Variants in COPB2 observed in about 807,000 individuals in gnomAD.
COPB2 encodes the protein coat protein complex I subunit beta 2.
A neutral mutation model predicts 120.8 loss-of-function variants in COPB2; 16 were observed. That is an observed-to-expected ratio of 0.13 (90% CI 0.09 to 0.20). The LOEUF (loss-of-function observed/expected upper bound fraction) is 0.20, where lower values mean the gene tolerates loss of function less well. Ranked by LOEUF, COPB2 falls within the 10% of genes least tolerant of loss-of-function variation. COPB2 has a pLI of 1.00. For missense variants in COPB2, 794 were observed against 1,076.5 expected (o/e 0.74, Z 3.67); for synonymous variants, 332 against 366.3 (o/e 0.91, Z 1.07).
At position 139,378,269 on chromosome 3, in the gene COPB2, AAACC is replaced by A; in HGVS notation, c.356-84_356-81del. The A allele has an allele frequency of 5.3e-6, 7 of 1,327,424 alleles. No homozygotes were observed. The Admixed American group carries it at 1.4e-4, about 27-fold the overall frequency. The allele number at this position is 1,327,424 out of a possible 1,614,324, so 82.2% of individuals were successfully genotyped here. A position where few individuals can be genotyped will look rare whatever the true frequency, so the allele number is the denominator to read the frequency against. ...CTAAGACACAGTCTTTAGAAGAAGC[AAACC>A]TAACACAAACCATATAATCCATGAC... On this transcript the variant is annotated intron_variant, in intron 4 of 21. Coordinates refer to ENST00000333188, the MANE Select transcript of COPB2 (RefSeq NM_004766.3).
At chr3:139,358,359 T>C in intron 20 of COPB2, 88 bp from the exon 21 acceptor site, 1 of 1,173,710 alleles carries the variant, frequency 8.5e-7, no homozygotes, top group Non-Finnish European at 1.3e-6. Flanking sequence ...TGATCAGAAT[T>C]AGGAAGTGGG....
At chr3:139,373,852 G>T (rs183951743) in intron 7 of COPB2, 44 bp from the exon 8 acceptor site, 82 of 1,607,834 alleles carry the variant, frequency 5.1e-5, no homozygotes, top group South Asian at 1.1e-5. Flanking sequence ...ACAAACATCC[G>T]ACAATAAACT....
chr3:139,379,784 T>C (rs1941775365), intron 2 of COPB2: 1 of 264,724 alleles, frequency 3.8e-6, no homozygotes, highest in Non-Finnish European at 7.2e-6. Context: ...CTGCTCTTGT[T>C]GTCTCTGACT....
At chr3:139,358,862 T>G in intron 19 of COPB2, 50 bp from the exon 20 acceptor site, 1 of 1,571,438 alleles carries the variant, frequency 6.4e-7, no homozygotes, top group Non-Finnish European at 8.8e-7. Context: ...AAATCATAAT[T>G]TACCTATGAA....
At chr3:139,372,210 T>C (rs1941635737) in intron 9 of COPB2, among the ~76,000 whole-genome samples, 2 of 152,226 alleles carry the variant, frequency 1.3e-5, no homozygotes, top group Non-Finnish European at 2.9e-5. Context: ...ATGACATTTA[T>C]ACCACAGGAA....
At position 139,383,302 on chromosome 3, in the gene COPB2, G is replaced by A; in HGVS notation, c.137C>T (p.Thr46Ile). Reference protein sequence around the residue: ...NGSVCVWNHETQTLVKTFEVC... With the variant: ...NGSVCVWNHEIQTLVKTFEVC... ...ACAGTCCTGAAAAATTCCTACCTGT[G>A]TTTCATGATTCCAAACACACACACT... The change falls in exon 2 of 22, where the codon ACA becomes ATA. Residue 46 changes from threonine (T) to isoleucine (I), a missense_variant. Thr to Ile is a moderately conservative substitution (Grantham distance 89). Coordinates refer to ENST00000333188, the MANE Select transcript of COPB2 (RefSeq NM_004766.3). 1 of 1,613,852 alleles carries A rather than the reference G, an allele frequency of 6.2e-7. No homozygotes were observed. Among genetic ancestry groups the A allele is most frequent in the Non-Finnish European group, 8.5e-7 (1 of 1,179,892 alleles).
intron 4 of COPB2, 61 bp downstream of exon 4, chr3:139,378,986 T>C (rs992136558): frequency 2.0e-6 from 3 of 1,486,272 alleles, no homozygotes; most frequent in Admixed American, 4.8e-5. Context: ...ATAGCATGTC[T>C]CAGTGAATGA....
rs774336381 is a variant in COPB2 at position 139,358,987 on chromosome 3, T to C, written c.2484+11A>G. 1.9e-6 allele frequency: 3 copies of C among 1,609,374 alleles called. No homozygotes were observed. Among genetic ancestry groups the C allele is most frequent in the Non-Finnish European group, 2.5e-6 (3 of 1,178,282 alleles). On this transcript the variant is annotated intron_variant, in intron 19 of 21. Transcript: ENST00000333188. ...TTACAATAAATGAAGCTTGACATCC[T>C]GGCCACTCACCGTGACAAGTGGGTA...
rs1331808890 is a variant in COPB2 at position 139,369,340 on chromosome 3, A to G, written c.1322T>C (p.Val441Ala). 6.2e-7 allele frequency: 1 copy of G among 1,613,566 alleles called. No homozygotes were observed. Among genetic ancestry groups the G allele is most frequent in the Non-Finnish European group, 8.5e-7 (1 of 1,179,740 alleles). ...ESIYGGFLLGVRSVNGLAFYD... is the reference protein window; with the variant it reads ...ESIYGGFLLGARSVNGLAFYD... ...GAAGGCTAAGCCATTTACAGATCTG[A>G]CTCCCAATAAGAAGCCGCCGTAGAT... Residue 441 changes from valine (V) to alanine (A), a missense_variant, in exon 12 of 22, where the codon GTC (valine) becomes GCC (alanine). This residue lies in a region of COPB2 where 610 missense variants were observed against 866.7 expected (regional missense o/e 0.70). Transcript: ENST00000333188.
chr3:139,375,219 T>C (rs1325700041), intron 6 of COPB2, among the ~76,000 whole-genome samples: 3 of 152,234 alleles, frequency 2.0e-5, no homozygotes, highest in Non-Finnish European at 4.4e-5. Context: ...AATTCAACAT[T>C]AAAATGTTAA....
rs1941411746 is a variant in COPB2, at chr3:139,361,145, C to T, written c.2146G>A (p.Ala716Thr). ...TTGCCATCTCTCTCCGCACCCTCTG[C>T]TAGCTTGTTCACCATATTAGCATTT... ...SGNANMVNKL[A>T]EGAERDGKNN... The change falls in exon 17 of 22, where the codon GCA becomes ACA. Residue 716 changes from alanine (A) to threonine (T), a missense_variant. Ala to Thr is a moderately conservative substitution (Grantham distance 58). Coordinates refer to ENST00000333188, the MANE Select transcript of COPB2 (RefSeq NM_004766.3). The T allele has an allele frequency of 1.2e-6, 2 of 1,614,250 alleles. No individual in the cohort carries two copies.
Position 139,371,632 on chromosome 3 carries a change from TCA to T in COPB2, c.1205+89_1205+90del, listed in dbSNP as rs1049794658. On this transcript the variant is annotated intron_variant, in intron 10 of 21. Transcript: ENST00000333188. ...GAGAACTGTTTTTTAACACGGAGAA[TCA>T]CAGCCCACATCAAGCCTTGAGAGTC... 3 of 1,072,808 alleles carry T rather than the reference TCA, an allele frequency of 2.8e-6. No homozygotes were observed. In the African/African-American group the frequency reaches 4.7e-5, roughly 17 times the overall value. The allele number at this position is 1,072,808 out of a possible 1,614,324, so 66.5% of individuals were successfully genotyped here.
At chr3:139,358,103 CTGA>C in intron 21 of COPB2, 94 bp downstream of exon 21, 1 of 1,171,210 alleles carries the variant, frequency 8.5e-7, no homozygotes, top group Non-Finnish European at 1.3e-6. Flanking sequence ...TGCTCTGAAA[CTGA>C]TGTCACTTAA....
rs369584653 is a variant in COPB2 at position 139,378,028 on chromosome 3, G to A, written c.504+13C>T. 6.6e-7 allele frequency: 1 copy of A among 1,511,250 alleles called. No individual in the cohort carries two copies. The highest frequency in any genetic ancestry group is 1.3e-5 in the South Asian group (1 of 75,212). The allele number at this position is 1,511,250 out of a possible 1,614,324, so 93.6% of individuals were successfully genotyped here. Reference sequence around the variant, plus strand: ...CTAATAATGATAACTGACACAAAATGTGGATGCCCTACCTTGATAGTCCTG... The same window carrying A: ...CTAATAATGATAACTGACACAAAATATGGATGCCCTACCTTGATAGTCCTG... On this transcript the variant is annotated intron_variant, in intron 5 of 21. Transcript: ENST00000333188.
chr3:139,363,368 T>C (rs553071113), intron 15 of COPB2, among the ~76,000 whole-genome samples: 34 of 152,258 alleles, frequency 2.2e-4, no homozygotes, highest in African/African-American at 7.7e-4. Flanking sequence ...TGAACCCTAT[T>C]GTGAACTGTA....
intron 12 of COPB2, among the ~76,000 whole-genome samples, 157 bp from the exon 13 acceptor site, chr3:139,368,445 C>G (rs1308381339): frequency 6.6e-6 from 1 of 152,114 alleles, no homozygotes; most frequent in Non-Finnish European, 1.5e-5. Flanking sequence ...GGGTGGCCAG[C>G]TATTATGTGG....
intron 10 of COPB2, among the ~76,000 whole-genome samples, chr3:139,370,653 A>G (rs1028235414): frequency 6.6e-5 from 10 of 152,242 alleles, no homozygotes; most frequent in Admixed American, 3.3e-4. Context: ...CCTTGAAAAA[A>G]GGAGCTGTGG....
In COPB2 at chr3:139,357,893, G is replaced by A. The variant is rs887146033; in HGVS notation, c.2691C>T (p.Ile897=). 6.3e-7 allele frequency: 1 copy of A among 1,593,116 alleles called. No homozygotes were observed. Among genetic ancestry groups the A allele is most frequent in the Non-Finnish European group, 8.6e-7 (1 of 1,163,978 alleles). The part of the protein sequence containing the change: ...LELEDIDTTD[I]NLDEDILDD ...CATCCAAAATATCTTCATCCAGATT[G>A]ATATCTGTTGTGTCAATATCTTCTA... is the stretch of plus-strand genomic sequence containing the variant. The change falls in exon 22 of 22, where the codon ATC becomes ATT. Residue 897 remains isoleucine, a synonymous_variant. Coordinates refer to ENST00000333188, the MANE Select transcript of COPB2 (RefSeq NM_004766.3).
intron 10 of COPB2, among the ~76,000 whole-genome samples, chr3:139,371,428 C>T (rs561588796): frequency 6.6e-6 from 1 of 152,254 alleles, no homozygotes; most frequent in South Asian, 2.1e-4. Context: ...TGCCTTAAGC[C>T]CATAAAGCAC....
Sources: allele counts gnomAD v4.1 joint callset (sites outside exome capture counted in the v4.1 genomes callset), GRCh38; gene constraint gnomAD v4.1.1; regional missense constraint gnomAD v4.1.1; transcripts MANE v1.5; gene names NCBI Gene and HGNC (gene_info 2026-07-23, HGNC 2026-07-21).